TREML4: variants seen among roughly 807,000 people sequenced by gnomAD.
TREML4 encodes triggering receptor expressed on myeloid cells like 4.
In TREML4, 25 loss-of-function variants were observed where a neutral mutation model predicts 25.4. That is an observed-to-expected ratio of 0.98 (90% CI 0.72 to 1.37). The LOEUF (loss-of-function observed/expected upper bound fraction) is 1.37, where lower values mean the gene tolerates loss of function less well. Among genes scored for constraint, TREML4 ranks in the 40% most tolerant of loss-of-function variants. The pLI, the probability that TREML4 is intolerant of heterozygous loss-of-function variation, is 0.00. For missense variants in TREML4, 268 were observed against 236.5 expected, an observed-to-expected ratio of 1.13 and a Z score of -0.87; for synonymous variants, 92 against 87.9, an observed-to-expected ratio of 1.05 and a Z score of -0.26.
At chr6:41,228,617 A>T in intron 1 of TREML4, 97 bp from the exon 2 acceptor site, 1 of 1,500,424 alleles carries the variant, frequency 6.7e-7, no homozygotes, top group Non-Finnish European at 9.1e-7. Flanking sequence ...TGGGCATCAG[A>T]ACTAGTTCCC....
chr6:41,228,610 G>C (rs1766723463), intron 1 of TREML4, 104 bp from the exon 2 acceptor site: 1 of 1,484,476 alleles, frequency 6.7e-7, no homozygotes, highest in Admixed American at 1.9e-5. Flanking sequence ...CCATGTGTGG[G>C]CATCAGAACT....
rs1766734868 is a variant in TREML4, at chr6:41,229,000, A to G, written c.350A>G (p.Asn117Ser). The G allele has an allele frequency of 6.2e-7, 1 of 1,614,086 alleles. No individual in the cohort carries two copies. The stretch of plus-strand genomic sequence containing the variant: ...TGTGGAATCTACAACGCTTCCGAAA[A>G]CATCATCACTGTTCTTAGAAATATC... ...YWCGIYNASE[N>S]IITVLRNISL... is the part of the protein sequence containing the mutation. The change falls in exon 2 of 6, where the codon AAC becomes AGC. Residue 117 changes from asparagine (N) to serine (S), a missense_variant. Coordinates refer to ENST00000341495, the MANE Select transcript of TREML4 (RefSeq NM_198153.3).
rs780441061 is a variant in TREML4, at chr6:41,228,964, G to T, written c.314G>T (p.Gly105Val). The T allele has an allele frequency of 1.1e-5, 17 of 1,614,140 alleles. No individual in the cohort carries two copies. Among genetic ancestry groups the T allele is most frequent in the Admixed American group, 1.7e-5 (1 of 60,026 alleles). The change falls in exon 2 of 6, where the codon GGA becomes GTA. Residue 105 changes from glycine (G) to valine (V), a missense_variant. Transcript: ENST00000341495. ...ATTCAGCTGACACAGAATGACTCGG[G>T]ATTCTACTGGTGTGGAATCTACAAC... is the stretch of plus-strand genomic sequence containing the variant. Reference protein sequence around the residue: ...TMIQLTQNDSGFYWCGIYNAS... With the variant: ...TMIQLTQNDSVFYWCGIYNAS...
chr6:41,229,786 G>A (rs1014722177), intron 3 of TREML4: 22 of 639,378 alleles, frequency 3.4e-5, no homozygotes, highest in Non-Finnish European at 5.6e-5. Flanking sequence ...TTCTCACGAT[G>A]ATGGGAGGGT....
intron 4 of TREML4, among the ~76,000 whole-genome samples, chr6:41,230,864 A>T (rs1167470158): frequency 6.6e-6 from 1 of 152,186 alleles, no homozygotes; most frequent in Non-Finnish European, 1.5e-5. Context: ...GTAGGGAGTG[A>T]GTGGTGAGCC....
chr6:41,230,341 G>A (rs991705279), intron 4 of TREML4, among the ~76,000 whole-genome samples: 2 of 152,216 alleles, frequency 1.3e-5, no homozygotes, highest in Non-Finnish European at 2.9e-5. Flanking sequence ...CCATGGAAAA[G>A]ACAGTTCAAC....
chr6:41,228,958 A>C lies in TREML4; in HGVS notation c.308A>C (p.Asp103Ala). 1 of 1,614,062 alleles carries C rather than the reference A, an allele frequency of 6.2e-7. No individual in the cohort carries two copies. The highest frequency in any genetic ancestry group is 8.5e-7 in the Non-Finnish European group (1 of 1,179,950). Residue 103 changes from aspartate (D) to alanine (A), a missense_variant, in exon 2 of 6, where the codon GAC (aspartate) becomes GCC (alanine). Asp to Ala is a moderately radical substitution (Grantham distance 126). Coordinates refer to ENST00000341495, the MANE Select transcript of TREML4 (RefSeq NM_198153.3). ...ACCATGATTCAGCTGACACAGAATG[A>C]CTCGGGATTCTACTGGTGTGGAATC... is the stretch of plus-strand genomic sequence containing the variant. ...NITMIQLTQNDSGFYWCGIYN... is the reference protein window; with the variant it reads ...NITMIQLTQNASGFYWCGIYN...
rs1037511560 is a variant in TREML4, at chr6:41,230,078, A to C, written c.462A>C (p.Pro154=). The change falls in exon 4 of 6, where the codon CCA becomes CCC. Residue 154 remains proline (P), a synonymous_variant. Coordinates refer to ENST00000341495, the MANE Select transcript of TREML4 (RefSeq NM_198153.3). ...LPTSTVLITS[P]EGTSGHPSIN... is the part of the protein sequence containing the mutation. Reference sequence around the variant, plus strand: ...CCTCTTTAGTTCTGATCACTTCTCCAGAGGGGACCTCTGGCCATCCCTCCA... The same window carrying C: ...CCTCTTTAGTTCTGATCACTTCTCCCGAGGGGACCTCTGGCCATCCCTCCA... 2 of 1,611,526 alleles carry C rather than the reference A, an allele frequency of 1.2e-6. No individual in the cohort carries two copies. Among genetic ancestry groups the C allele is most frequent in the Non-Finnish European group, 1.7e-6 (2 of 1,177,688 alleles).
At chr6:41,229,361 C>T (rs1228016270) in intron 2 of TREML4, among the ~76,000 whole-genome samples, 160 bp from the exon 3 acceptor site, 4 of 151,932 alleles carry the variant, frequency 2.6e-5, no homozygotes, top group Non-Finnish European at 5.9e-5. Context: ...AACACACACA[C>T]ACCAACAACT....
At chr6:41,231,294 G>A (rs995779090) in intron 4 of TREML4, among the ~76,000 whole-genome samples, 2 of 152,092 alleles carry the variant, frequency 1.3e-5, no homozygotes, top group African/African-American at 4.8e-5. Flanking sequence ...CGCCAAAAAG[G>A]TTGGGGACTG....
intron 4 of TREML4, 44 bp downstream of exon 4, chr6:41,230,166 G>T (rs752468814): frequency 1.3e-6 from 2 of 1,509,836 alleles, no homozygotes; most frequent in South Asian, 1.1e-5. Context: ...CTTGGGAAGG[G>T]AGGGCCTGAT....
Position 41,230,124 on chromosome 6 carries a change from T to C in TREML4, c.506+2T>C. ...CTCCATCAATGGCTCTGAGACCAGG[T>C]AGGTCAGAGGTTTTAACACTGGGAG... On this transcript the variant is annotated splice_donor_variant, in intron 4 of 5. Coordinates refer to ENST00000341495, the MANE Select transcript of TREML4 (RefSeq NM_198153.3). LOFTEE classifies it high-confidence loss of function. 1.2e-6 allele frequency: 2 copies of C among 1,606,456 alleles called. No homozygotes were observed. Among genetic ancestry groups the C allele is most frequent in the Non-Finnish European group, 1.7e-6 (2 of 1,173,154 alleles).
In TREML4 at chr6:41,229,407, C is replaced by A. The variant is rs536934305; in HGVS notation, c.395-114C>A. ...GATCTTAGGCACAGACCACTCCTGGCTTAAGACATCCTGAGGGTCTGGCTC... is the reference window on the plus strand; with the variant it reads ...GATCTTAGGCACAGACCACTCCTGGATTAAGACATCCTGAGGGTCTGGCTC... On this transcript the variant is annotated intron_variant, in intron 2 of 5. Coordinates refer to ENST00000341495, the MANE Select transcript of TREML4 (RefSeq NM_198153.3). The A allele has an allele frequency of 2.6e-5, 30 of 1,144,268 alleles. No homozygotes were observed. In the African/African-American group the frequency reaches 3.7e-4, roughly 14 times the overall value. The allele number at this position is 1,144,268 out of a possible 1,614,324, so 70.9% of individuals were successfully genotyped here.
At chr6:41,228,604 G>C in intron 1 of TREML4, 110 bp from the exon 2 acceptor site, 2 of 1,478,400 alleles carry the variant, frequency 1.4e-6, no homozygotes, top group Non-Finnish European at 1.8e-6. Context: ...CCTCTTCCAT[G>C]TGTGGGCATC....
intron 4 of TREML4, among the ~76,000 whole-genome samples, chr6:41,233,684 A>G (rs558119595): frequency 1.3e-4 from 20 of 152,192 alleles, no homozygotes; most frequent in African/African-American, 4.1e-4. Context: ...TCAGAGGATC[A>G]AAGACCAATG....
chr6:41,232,942 G>T (rs772233193), intron 4 of TREML4, among the ~76,000 whole-genome samples: 1 of 152,196 alleles, frequency 6.6e-6, no homozygotes, highest in Admixed American at 6.5e-5. Context: ...ACTGGTACTG[G>T]TCTGTGACTC....
Position 41,230,132 on chromosome 6 carries a change from A to C in TREML4, c.506+10A>C. On this transcript the variant is annotated intron_variant, in intron 4 of 5. Transcript: ENST00000341495. ...ATGGCTCTGAGACCAGGTAGGTCAG[A>C]GGTTTTAACACTGGGAGGGAGGTCT... is the stretch of plus-strand genomic sequence containing the variant. 6.2e-7 allele frequency: 1 copy of C among 1,601,720 alleles called. No individual in the cohort carries two copies. Among genetic ancestry groups the C allele is most frequent in the East Asian group, 2.2e-5 (1 of 44,742 alleles).
intron 4 of TREML4, chr6:41,232,501 G>T (rs2113940499): frequency 4.6e-6 from 1 of 215,526 alleles, no homozygotes; most frequent in African/African-American, 2.3e-5. Context: ...CCATGGACTT[G>T]GAGGTAGGGG....
chr6:41,232,730 C>T (rs1036296192), intron 4 of TREML4, among the ~76,000 whole-genome samples: 3 of 152,142 alleles, frequency 2.0e-5, no homozygotes, highest in South Asian at 2.1e-4. Flanking sequence ...TCCTAAGGAA[C>T]GTGCAATCTA....
Sources: allele counts gnomAD v4.1 joint callset (sites outside exome capture counted in the v4.1 genomes callset), GRCh38; gene constraint gnomAD v4.1.1; transcripts MANE v1.5; gene names NCBI Gene and HGNC (gene_info 2026-07-23, HGNC 2026-07-21).